The following TEAD4 variants were observed in gnomAD, a reference collection of about 807,000 sequenced individuals.
The protein encoded by TEAD4 is TEA domain transcription factor 4.
A neutral mutation model predicts 52.4 loss-of-function variants in TEAD4; 36 were observed. That is an observed-to-expected ratio of 0.69 (90% CI 0.53 to 0.91). The LOEUF is 0.91. TEAD4 is among the 40% of genes least tolerant of loss of function. TEAD4 has a pLI of 0.00. For missense variants in TEAD4, 508 were observed against 583.9 expected, an observed-to-expected ratio of 0.87 and a Z score of 1.34; for synonymous variants, 220 against 231.0, an observed-to-expected ratio of 0.95 and a Z score of 0.43.
intron 4 of TEAD4, among the ~76,000 whole-genome samples, chr12:3,011,914 C>T (rs887123939): frequency 1.4e-4 from 22 of 152,320 alleles, no homozygotes; most frequent in Admixed American, 1.2e-3. Context: ...GATCCACCTG[C>T]CTTGGCCTCC....
At chr12:2,984,140 G>A (rs1463111166) in intron 2 of TEAD4, among the ~76,000 whole-genome samples, 1 of 152,136 alleles carries the variant, frequency 6.6e-6, no homozygotes, top group Non-Finnish European at 1.5e-5. Flanking sequence ...CTTGGAGGTG[G>A]GTTCAAAGAA....
intron 2 of TEAD4, among the ~76,000 whole-genome samples, chr12:2,977,396 G>A (rs529798805): frequency 1.0e-3 from 155 of 152,104 alleles, no homozygotes; most frequent in African/African-American, 3.5e-3. Context: ...CCAGCTCTCT[G>A]ACTTTTGTTC....
chr12:2,970,863 C>T (rs1847179032), intron 2 of TEAD4, among the ~76,000 whole-genome samples: 1 of 152,244 alleles, frequency 6.6e-6, no homozygotes, highest in Non-Finnish European at 1.5e-5. Flanking sequence ...TGCATGACCT[C>T]ATGTTGGAAT....
At chr12:2,964,967 G>C (rs2153952187) in intron 2 of TEAD4, among the ~76,000 whole-genome samples, 1 of 152,244 alleles carries the variant, frequency 6.6e-6, no homozygotes, top group East Asian at 1.9e-4. Flanking sequence ...GATTCTCACA[G>C]ATAGGCTTTG....
chr12:3,028,230 G>A (rs774495980), intron 10 of TEAD4, among the ~76,000 whole-genome samples: 3 of 152,164 alleles, frequency 2.0e-5, no homozygotes, highest in Non-Finnish European at 4.4e-5. Flanking sequence ...GGGCATTTGG[G>A]TTGTCTCCTC....
intron 2 of TEAD4, among the ~76,000 whole-genome samples, chr12:2,992,444 C>T (rs1215941820): frequency 6.6e-6 from 1 of 152,182 alleles, no homozygotes; most frequent in East Asian, 1.9e-4. Context: ...CCCTCCCTCC[C>T]CTCGATCCTC....
intron 2 of TEAD4, among the ~76,000 whole-genome samples, chr12:2,989,115 G>A (rs917622909): frequency 6.6e-6 from 1 of 152,082 alleles, no homozygotes; most frequent in African/African-American, 2.4e-5. Context: ...GATTGGCATG[G>A]GAAGTCGGGA....
chr12:3,037,683 G>A (rs2098280236), intron 10 of TEAD4, among the ~76,000 whole-genome samples: 2 of 152,292 alleles, frequency 1.3e-5, no homozygotes, highest in South Asian at 2.1e-4. Flanking sequence ...GATGGAATCT[G>A]GGGCTCCCAC....
chr12:3,020,144 C>G (rs1467464735), intron 8 of TEAD4, among the ~76,000 whole-genome samples: 2 of 152,206 alleles, frequency 1.3e-5, no homozygotes, highest in African/African-American at 4.8e-5. Flanking sequence ...GTTAGCAACG[C>G]TGGATTGAGG....
At position 2,994,528 on chromosome 12, in the gene TEAD4, C is replaced by T. The variant is rs1326338251; in HGVS notation, c.-29-210C>T. On this transcript the variant is annotated intron_variant, in intron 2 of 12. Coordinates refer to ENST00000359864, the MANE Select transcript of TEAD4 (RefSeq NM_003213.4). This position sits in a 1 kb window ranked among gnomAD's most constrained non-coding sequence, Gnocchi z 4.7. ...CCTTGATACCAGGGAGTGCCTAGGTCATTGTGCTCATTCGACAGATGGGAA... is the reference window on the plus strand; with the variant it reads ...CCTTGATACCAGGGAGTGCCTAGGTTATTGTGCTCATTCGACAGATGGGAA... Among the ~76,000 whole-genome samples the T allele has an allele frequency of 5.9e-5, 9 of 152,180 alleles. No individual in the cohort carries two copies. The highest frequency in any genetic ancestry group is 8.8e-5 in the Non-Finnish European group (6 of 68,036).
At chr12:3,009,017 C>T (rs765042701) in intron 3 of TEAD4, among the ~76,000 whole-genome samples, 2 of 152,160 alleles carry the variant, frequency 1.3e-5, no homozygotes, top group Non-Finnish European at 2.9e-5. Flanking sequence ...TTCATTTTAC[C>T]GAAAAGGATA....
chr12:3,030,596 C>G (rs1333755536), intron 10 of TEAD4, among the ~76,000 whole-genome samples: 1 of 152,140 alleles, frequency 6.6e-6, no homozygotes, highest in Non-Finnish European at 1.5e-5. Context: ...CAGCTGGTCT[C>G]TTTGTTTTCT....
At chr12:2,991,911 C>T (rs943484172) in intron 2 of TEAD4, among the ~76,000 whole-genome samples, 4 of 151,824 alleles carry the variant, frequency 2.6e-5, no homozygotes, top group East Asian at 3.9e-4. Context: ...CCTCACTGCG[C>T]GACCTTGGGC....
chr12:2,969,877 C>G (rs2098223676), intron 2 of TEAD4, among the ~76,000 whole-genome samples: 1 of 152,170 alleles, frequency 6.6e-6, no homozygotes, highest in Admixed American at 6.5e-5. Flanking sequence ...TCAGTGCAGA[C>G]TCCAGAGTGG....
chr12:3,021,671 A>G (rs975850394), intron 9 of TEAD4, among the ~76,000 whole-genome samples, 173 bp from the exon 10 acceptor site: 6 of 152,226 alleles, frequency 3.9e-5, no homozygotes, highest in African/African-American at 1.4e-4. Context: ...GAAGTCCAGG[A>G]TGTAAAACAA....
At chr12:3,029,145 T>A (rs1407294644) in intron 10 of TEAD4, among the ~76,000 whole-genome samples, 2 of 151,956 alleles carry the variant, frequency 1.3e-5, no homozygotes, top group Admixed American at 1.3e-4. Flanking sequence ...TATTGCTCAC[T>A]GCAACCTTGA....
intron 2 of TEAD4, among the ~76,000 whole-genome samples, chr12:2,967,433 C>G (rs1183670516): frequency 6.6e-6 from 1 of 152,128 alleles, no homozygotes; most frequent in Non-Finnish European, 1.5e-5. Context: ...TAACTATGCC[C>G]TACTGACTTT....
At chr12:2,968,514 C>G (rs1192860356) in intron 2 of TEAD4, among the ~76,000 whole-genome samples, 1 of 149,758 alleles carries the variant, frequency 6.7e-6, no homozygotes, top group Non-Finnish European at 1.5e-5. Flanking sequence ...CCTCCCACCT[C>G]AGCTTTCTCA....
chr12:3,022,703 C>A (rs1417078310), intron 10 of TEAD4, among the ~76,000 whole-genome samples: 1 of 152,100 alleles, frequency 6.6e-6, no homozygotes, highest in Non-Finnish European at 1.5e-5. Flanking sequence ...TTCCTGGGGG[C>A]CCAGTGTGTG....
Sources: gnomAD v4.1 joint callset for allele counts (sites outside exome capture counted in the v4.1 genomes callset) on GRCh38, gnomAD v4.1.1 for gene constraint, Gnocchi (gnomAD v3.1) non-coding constraint, MANE v1.5 for transcripts, NCBI Gene and HGNC (gene_info 2026-07-23, HGNC 2026-07-21) for gene names.